Variants in MLLT10 observed in about 807,000 individuals in gnomAD.
MLLT10 encodes the protein protein AF-10.
A neutral mutation model predicts 129.1 loss-of-function variants in MLLT10; 30 were observed. That is an observed-to-expected ratio of 0.23 (90% CI 0.17 to 0.32). The LOEUF (loss-of-function observed/expected upper bound fraction) is 0.32, where lower values mean the gene tolerates loss of function less well. MLLT10 is among the 10% of genes least tolerant of loss of function. MLLT10 has a pLI of 1.00. For missense variants in MLLT10, 1,119 were observed against 1,268.3 expected (o/e 0.88, Z 1.79); for synonymous variants, 490 against 446.4 (o/e 1.10, Z -1.23).
At chr10:21,735,952 T>G (rs76831992) in intron 21 of MLLT10, among the ~76,000 whole-genome samples, 1 of 152,100 alleles carries the variant, frequency 6.6e-6, no homozygotes. Flanking sequence ...GGATTTCAAG[T>G]GTACCAAAAG....
rs140743339 is a variant in MLLT10 at position 21,590,938 on chromosome 10, G to A, written c.296-4393G>A. On this transcript the variant is annotated intron_variant, in intron 4 of 22. Coordinates refer to ENST00000307729, the MANE Select transcript of MLLT10 (RefSeq NM_001195626.3). ...TCCTCTTGTTTTCTAACTTATAAAGGTGGAACCTTAGGTCTTTTATTTTAG... is the reference window on the plus strand; with the variant it reads ...TCCTCTTGTTTTCTAACTTATAAAGATGGAACCTTAGGTCTTTTATTTTAG... Among the ~76,000 whole-genome samples the A allele has an allele frequency of 4.0e-3, 612 of 152,142 alleles. 12 individuals carry two copies. Among genetic ancestry groups the A allele is most frequent in the Middle Eastern group, 0.017 (5 of 294 alleles).
At chr10:21,622,998 T>C (rs1454271414) in intron 8 of MLLT10, among the ~76,000 whole-genome samples, 1 of 152,194 alleles carries the variant, frequency 6.6e-6, no homozygotes, top group Non-Finnish European at 1.5e-5. Context: ...ACTTATGTAT[T>C]GTGAAGGATA....
chr10:21,677,184 G>A (rs2059673064), intron 11 of MLLT10, among the ~76,000 whole-genome samples: 1 of 152,166 alleles, frequency 6.6e-6, no homozygotes, highest in African/African-American at 2.4e-5. Context: ...CTAGTGTAAT[G>A]TCAGTCATAC....
intron 14 of MLLT10, among the ~76,000 whole-genome samples, chr10:21,715,005 T>G (rs2056428180): frequency 6.6e-6 from 1 of 152,218 alleles, no homozygotes; most frequent in African/African-American, 2.4e-5. Context: ...TATGATTTTA[T>G]TTTCATTTCT....
intron 3 of MLLT10, among the ~76,000 whole-genome samples, chr10:21,549,557 A>G (rs1280229539): frequency 6.6e-6 from 1 of 152,070 alleles, no homozygotes; most frequent in African/African-American, 2.4e-5. Context: ...TAGTCAAAGC[A>G]TGGCAGCTGG....
intron 4 of MLLT10, among the ~76,000 whole-genome samples, chr10:21,594,834 CAA>C (rs558808825): frequency 1.8e-5 from 2 of 111,422 alleles, no homozygotes. Context: ...AACTCCATCT[CAA>C]AAAAAAAAAA....
At chr10:21,699,901 A>G (rs919522555) in intron 13 of MLLT10, among the ~76,000 whole-genome samples, 2 of 152,072 alleles carry the variant, frequency 1.3e-5, no homozygotes, top group Admixed American at 6.6e-5. Flanking sequence ...TGTTTTTTCT[A>G]TTTCTATGAA....
chr10:21,699,684 T>C (rs1456557816), intron 13 of MLLT10, among the ~76,000 whole-genome samples: 3 of 141,504 alleles, frequency 2.1e-5, no homozygotes, highest in African/African-American at 7.7e-5. Context: ...CAGTTGGCTG[T>C]AAAAAAAAAA....
At chr10:21,703,907 G>A (rs2185163) in intron 13 of MLLT10, among the ~76,000 whole-genome samples, 150,438 of 151,892 alleles carry the variant, frequency 0.99, 74,552 homozygotes, top group Middle Eastern at 1. Context: ...TGGTCACTGT[G>A]TTTTGACTGG....
rs538914879 is a variant in MLLT10 at position 21,735,970 on chromosome 10, G to A, written c.2955+735G>A. Among the ~76,000 whole-genome samples the A allele has an allele frequency of 5.3e-5, 8 of 152,244 alleles. No homozygotes were observed. In the East Asian group the frequency reaches 1.5e-3, roughly 29 times the overall value. On this transcript the variant is annotated intron_variant, in intron 21 of 22. Coordinates refer to ENST00000307729, the MANE Select transcript of MLLT10 (RefSeq NM_001195626.3). ...TTTCAAGTGTACCAAAAGTAGAGTG[G>A]AGAGCACCCTGAAGACCTATGTACG...
chr10:21,682,701 G>C (rs1355005852), intron 13 of MLLT10, among the ~76,000 whole-genome samples: 1 of 152,150 alleles, frequency 6.6e-6, no homozygotes, highest in Non-Finnish European at 1.5e-5. Context: ...ATAAATGGAA[G>C]ATAGTCTTTT....
chr10:21,647,229 C>A (rs2048588145), intron 8 of MLLT10, among the ~76,000 whole-genome samples: 1 of 151,902 alleles, frequency 6.6e-6, no homozygotes, highest in Non-Finnish European at 1.5e-5. Context: ...TGTTGTTGAA[C>A]AAGTTGTTTA....
At chr10:21,589,203 G>A (rs2042272286) in intron 4 of MLLT10, among the ~76,000 whole-genome samples, 1 of 151,276 alleles carries the variant, frequency 6.6e-6, no homozygotes, top group Non-Finnish European at 1.5e-5. Flanking sequence ...TTTATATTGT[G>A]CTTTAAAAAA....
intron 15 of MLLT10, among the ~76,000 whole-genome samples, chr10:21,726,681 C>CTTTTTTTTT (rs35036202): frequency 9.1e-4 from 80 of 87,610 alleles, no homozygotes; most frequent in African/African-American, 1.8e-3. Context: ...TAGCAATGTC[C>CTTTTTTTTT]TTTTTTTTTT....
intron 9 of MLLT10, among the ~76,000 whole-genome samples, chr10:21,655,964 C>T (rs1029062738): frequency 6.6e-6 from 1 of 152,112 alleles, no homozygotes; most frequent in Non-Finnish European, 1.5e-5. Flanking sequence ...GGGAGGTTCA[C>T]AACCGTGTAG....
chr10:21,625,996 C>T (rs573455168), intron 8 of MLLT10: 5 of 984,016 alleles, frequency 5.1e-6, no homozygotes, highest in African/African-American at 1.6e-5. Flanking sequence ...TTGGTGGAGG[C>T]CCACCATACT....
At chr10:21,726,679 TC>T (rs1420001897) in intron 15 of MLLT10, among the ~76,000 whole-genome samples, 2 of 131,848 alleles carry the variant, frequency 1.5e-5, no homozygotes, top group Middle Eastern at 3.9e-3. Flanking sequence ...AATAGCAATG[TC>T]CTTTTTTTTT....
At chr10:21,549,122 CTTT>C (rs5783779) in intron 3 of MLLT10, among the ~76,000 whole-genome samples, 7 of 130,378 alleles carry the variant, frequency 5.4e-5, no homozygotes, top group African/African-American at 1.4e-4. Flanking sequence ...GAGCTTATTC[CTTT>C]TTTTTTTTTT....
chr10:21,582,323 T>C (rs1248220079), intron 3 of MLLT10, among the ~76,000 whole-genome samples: 3 of 152,084 alleles, frequency 2.0e-5, no homozygotes, highest in African/African-American at 7.2e-5. Flanking sequence ...TTTCACCATG[T>C]TGGCCAGGCT....
Sources: gnomAD v4.1 joint callset for allele counts (sites outside exome capture counted in the v4.1 genomes callset) on GRCh38, gnomAD v4.1.1 for gene constraint, MANE v1.5 for transcripts, NCBI Gene and HGNC (gene_info 2026-07-23, HGNC 2026-07-21) for gene names.